ARB2A: variants seen among roughly 807,000 people sequenced by gnomAD.
The protein encoded by ARB2A is ARB2 cotranscriptional regulator A, also known as cotranscriptional regulator ARB2A.
At chr5:93,764,340 G>C in the ARB2A span, among the ~76,000 whole-genome samples, 49 of 152,194 alleles carry the variant, frequency 3.2e-4, 1 homozygote, top group Admixed American at 1.8e-3. Flanking sequence ...GAATCAAATA[G>C]ACGCAATAAA....
At chr5:94,073,665 C>T in the ARB2A span, among the ~76,000 whole-genome samples, 16,218 of 152,140 alleles carry the variant, frequency 0.11, 982 homozygotes, top group Middle Eastern at 0.16. Flanking sequence ...TCTATTTAGA[C>T]AGAAACTGTG....
At chr5:93,813,991 T>C in the ARB2A span, among the ~76,000 whole-genome samples, 1 of 152,218 alleles carries the variant, frequency 6.6e-6, no homozygotes, top group Non-Finnish European at 1.5e-5. Context: ...CTAATCAATT[T>C]CCATTAACAG....
the ARB2A span, among the ~76,000 whole-genome samples, chr5:93,888,111 T>A: frequency 6.6e-6 from 1 of 151,974 alleles, no homozygotes; most frequent in African/African-American, 2.4e-5. Context: ...CATTTCTAAC[T>A]TTTCCTGGGT....
chr5:93,691,925 A>C, the ARB2A span, among the ~76,000 whole-genome samples: 5 of 152,294 alleles, frequency 3.3e-5, no homozygotes, highest in African/African-American at 1.2e-4. Flanking sequence ...GAGCCAAACT[A>C]AGCTTCATAA....
At chr5:93,705,341 C>A in the ARB2A span, among the ~76,000 whole-genome samples, 2 of 152,250 alleles carry the variant, frequency 1.3e-5, no homozygotes, top group East Asian at 3.9e-4. Flanking sequence ...TCTCAAACTT[C>A]CTGAAATTTT....
the ARB2A span, among the ~76,000 whole-genome samples, chr5:93,809,929 T>C: frequency 1.3e-5 from 2 of 152,074 alleles, no homozygotes; most frequent in East Asian, 1.9e-4. Flanking sequence ...TTTTAGAATA[T>C]TATCGTCTAA....
At chr5:93,983,170 GGTGTGTGTGTGTGTGT>G in the ARB2A span, among the ~76,000 whole-genome samples, 19,123 of 125,474 alleles carry the variant, frequency 0.15, 1,496 homozygotes, top group Admixed American at 0.19. Flanking sequence ...GCTGTGGAGA[GGTGTGTGTGTGTGTGT>G]GTGTGTGTGT....
chr5:93,813,424 TG>T, the ARB2A span, among the ~76,000 whole-genome samples: 3 of 152,028 alleles, frequency 2.0e-5, no homozygotes, highest in Admixed American at 2.0e-4. Flanking sequence ...AAGAGAGAAA[TG>T]AGCAAGAAAT....
the ARB2A span, among the ~76,000 whole-genome samples, chr5:93,823,925 A>G: frequency 6.6e-6 from 1 of 152,164 alleles, no homozygotes; most frequent in Non-Finnish European, 1.5e-5. Context: ...ACTGCCCTCT[A>G]GCCTGGCGAC....
the ARB2A span, among the ~76,000 whole-genome samples, chr5:93,687,726 T>C: frequency 6.6e-6 from 1 of 152,250 alleles, no homozygotes; most frequent in Admixed American, 6.5e-5. Flanking sequence ...CTGCTATTAA[T>C]AGAAACAGAT....
At chr5:93,939,275 T>C in the ARB2A span, among the ~76,000 whole-genome samples, 1 of 152,160 alleles carries the variant, frequency 6.6e-6, no homozygotes, top group Non-Finnish European at 1.5e-5. Flanking sequence ...TAATCATGAA[T>C]GTTTCCAAAT....
At chr5:94,097,875 C>T in the ARB2A span, among the ~76,000 whole-genome samples, 29 of 149,154 alleles carry the variant, frequency 1.9e-4, no homozygotes, top group Non-Finnish European at 3.0e-4. Flanking sequence ...GGTACACACA[C>T]ACACACACGA....
At chr5:94,099,248 A>C in the ARB2A span, among the ~76,000 whole-genome samples, 3 of 152,152 alleles carry the variant, frequency 2.0e-5, no homozygotes, top group African/African-American at 7.2e-5. Flanking sequence ...TGCAAATCAA[A>C]TCCAATAGCA....
the ARB2A span, among the ~76,000 whole-genome samples, chr5:93,625,956 C>G: frequency 6.6e-6 from 1 of 152,168 alleles, no homozygotes. Context: ...TCAAGTGTTT[C>G]TTATACATCA....
At chr5:93,620,739 G>A in the ARB2A span, 1 of 394,568 alleles carries the variant, frequency 2.5e-6, no homozygotes, top group Non-Finnish European at 4.4e-6. Flanking sequence ...CAGCCTTAAT[G>A]TGAGCGCTGA....
the ARB2A span, among the ~76,000 whole-genome samples, chr5:94,054,667 T>A: frequency 1.3e-5 from 2 of 152,160 alleles, no homozygotes; most frequent in Non-Finnish European, 2.9e-5. Flanking sequence ...GGTGACTATG[T>A]CTGGCCCACC....
chr5:94,016,224 G>A, the ARB2A span, among the ~76,000 whole-genome samples: 1 of 152,146 alleles, frequency 6.6e-6, no homozygotes, highest in Non-Finnish European at 1.5e-5. Flanking sequence ...GGTCAATTCA[G>A]CAAAAGGAGA....
At chr5:93,808,987 G>T in the ARB2A span, among the ~76,000 whole-genome samples, 1 of 151,890 alleles carries the variant, frequency 6.6e-6, no homozygotes, top group Non-Finnish European at 1.5e-5. Context: ...TACTTTAATT[G>T]TCTTCTATTC....
the ARB2A span, among the ~76,000 whole-genome samples, chr5:94,020,900 T>G: frequency 3.3e-5 from 5 of 152,034 alleles, no homozygotes; most frequent in Non-Finnish European, 7.4e-5. Context: ...ACAAGGAAAT[T>G]TCCAGATGTA....
Sources: gnomAD v4.1 joint callset for allele counts (sites outside exome capture counted in the v4.1 genomes callset) on GRCh38, gnomAD v4.1.1 for gene constraint, MANE v1.5 for transcripts, NCBI Gene and HGNC (gene_info 2026-07-23, HGNC 2026-07-21) for gene names.